The following ARFGAP2 variants were observed in gnomAD, a reference collection of about 807,000 sequenced individuals.
The protein encoded by ARFGAP2 is ADP-ribosylation factor GTPase-activating protein 2.
Under a neutral mutation model 71.9 loss-of-function variants are expected in ARFGAP2, and 45 were observed. The ratio of observed to expected loss-of-function variants is 0.63; its 90% CI spans 0.49 to 0.80. The LOEUF (loss-of-function observed/expected upper bound fraction) is 0.80. Among genes scored for constraint, ARFGAP2 ranks in the 30% least tolerant of loss-of-function variants. The probability of loss-of-function intolerance (pLI) is 0.00; values close to 1 mark genes in which losing one functional copy is unlikely to be tolerated. For synonymous variants in ARFGAP2, 248 were observed against 249.2 expected (o/e 1.00, Z 0.05); for missense variants, 633 against 673.9 (o/e 0.94, Z 0.67).
At chr11:47,173,574 C>A in intron 6 of ARFGAP2, 92 bp from the exon 7 acceptor site, 1 of 1,443,020 alleles carries the variant, frequency 6.9e-7, no homozygotes, top group Non-Finnish European at 9.3e-7. Context: ...CGGTGGCTTT[C>A]CTCAGCTTGC....
chr11:47,166,636 G>A, intron 13 of ARFGAP2, 37 bp from the exon 14 acceptor site: 1 of 1,607,568 alleles, frequency 6.2e-7, no homozygotes, highest in South Asian at 1.1e-5. Context: ...GGGATCTTGG[G>A]GCTGATGACC....
In ARFGAP2 at chr11:47,171,933, C is replaced by A; in HGVS notation, c.673-133G>T. ...TTAGGGTAAAAAACAGGAGCCCAAC[C>A]AGCATGGCCAAGACAATAGTGCTCC... On this transcript the variant is annotated intron_variant, in intron 8 of 15. Transcript: ENST00000524782. 2.3e-6 allele frequency: 3 copies of A among 1,309,730 alleles called. No individual in the cohort carries two copies. In the South Asian group the frequency reaches 4.3e-5, roughly 19 times the overall value. The allele number at this position is 1,309,730 out of a possible 1,614,324, so 81.1% of individuals were successfully genotyped here.
intron 14 of ARFGAP2, 55 bp from the exon 15 acceptor site, chr11:47,166,441 C>T (rs1042808000): frequency 1.9e-6 from 3 of 1,611,012 alleles, no homozygotes; most frequent in Non-Finnish European, 2.5e-6. Flanking sequence ...TTCCCAGTCA[C>T]AGCAGGGCCC....
rs754071059 is a variant in ARFGAP2 at position 47,176,517 on chromosome 11, T to G, written c.190A>C (p.Arg64=). The change falls in exon 2 of 16, where the codon AGG becomes CGG. Residue 64 remains arginine, a splice_region_variant and synonymous_variant. Transcript: ENST00000524782. The part of the protein sequence containing the change: ...RSLGVHLSFI[R]STELDSNWNW... Reference sequence around the variant, plus strand: ...ACGGCAACCGCGCGGAGAGCCTACCTGATGAAGCTCAGATGGACGCCCAGG... The same window carrying G: ...ACGGCAACCGCGCGGAGAGCCTACCGGATGAAGCTCAGATGGACGCCCAGG... The G allele has an allele frequency of 3.1e-6, 5 of 1,613,254 alleles. No homozygotes were observed. The highest frequency in any genetic ancestry group is 1.7e-5 in the Admixed American group (1 of 60,012).
At chr11:47,169,762 G>T (rs1045270601) in intron 10 of ARFGAP2, among the ~76,000 whole-genome samples, 20 of 152,118 alleles carry the variant, frequency 1.3e-4, no homozygotes, top group Non-Finnish European at 2.2e-4. Flanking sequence ...GGAGGCGGAG[G>T]TTGTGGTGAG....
chr11:47,174,778 C>A, intron 5 of ARFGAP2: 1 of 497,276 alleles, frequency 2.0e-6, no homozygotes, highest in Non-Finnish European at 3.6e-6. Context: ...GAAGCTGCCT[C>A]TCTTCCCCGC....
At chr11:47,172,450 G>T in intron 7 of ARFGAP2, 117 bp from the exon 8 acceptor site, 1 of 1,295,276 alleles carries the variant, frequency 7.7e-7, no homozygotes, top group Non-Finnish European at 1.1e-6. Flanking sequence ...GGCAAGGGAA[G>T]GCAAAGCTGC....
At chr11:47,173,705 C>G in intron 6 of ARFGAP2, 54 bp downstream of exon 6, 1 of 1,541,898 alleles carries the variant, frequency 6.5e-7, no homozygotes, top group South Asian at 1.2e-5. Flanking sequence ...CCTTCCAAAC[C>G]CTGAGTCCTC....
chr11:47,172,123 C>T, intron 8 of ARFGAP2, 158 bp downstream of exon 8: 1 of 825,488 alleles, frequency 1.2e-6, no homozygotes, highest in East Asian at 2.4e-5. Context: ...GGCTTTAAAT[C>T]CCTTTAAATC....
At chr11:47,173,081 A>G in intron 7 of ARFGAP2, 1 of 394,818 alleles carries the variant, frequency 2.5e-6, no homozygotes, top group Non-Finnish European at 4.8e-6. Flanking sequence ...CTGTCCCTCC[A>G]CCCCCGGAAA....
chr11:47,175,749 G>A (rs987181174), intron 3 of ARFGAP2, 102 bp downstream of exon 3: 2 of 1,336,842 alleles, frequency 1.5e-6, no homozygotes, highest in Non-Finnish European at 2.2e-6. Flanking sequence ...ATAGAACAGA[G>A]AACCCTCTGA....
At position 47,164,322 on chromosome 11, in the gene ARFGAP2, C is replaced by T; in HGVS notation, c.*1160G>A. On this transcript the variant is annotated 3_prime_UTR_variant, in exon 16 of 16. Transcript: ENST00000524782. ...CTGCTTCACTCAGACCAACAGGGAGCCAGGCCCTGCAGGGGCTTTATTTTG... is the reference window on the plus strand; with the variant it reads ...CTGCTTCACTCAGACCAACAGGGAGTCAGGCCCTGCAGGGGCTTTATTTTG... 1.4e-6 allele frequency: 2 copies of T among 1,471,796 alleles called. No individual in the cohort carries two copies. The highest frequency in any genetic ancestry group is 2.7e-5 in the South Asian group (2 of 74,060). 91.2% of individuals were successfully genotyped at this position (1,471,796 alleles called of 1,614,324 possible). A position where few individuals can be genotyped will look rare whatever the true frequency, so the allele number is the denominator to read the frequency against.
chr11:47,172,617 G>T, intron 7 of ARFGAP2: 1 of 1,313,436 alleles, frequency 7.6e-7, no homozygotes, highest in Non-Finnish European at 1.0e-6. Context: ...AACAAAGACT[G>T]CGAGGCAGGG....
At chr11:47,166,979 G>A (rs1952411180) in intron 12 of ARFGAP2, 93 bp from the exon 13 acceptor site, 7 of 1,469,962 alleles carry the variant, frequency 4.8e-6, no homozygotes, top group Non-Finnish European at 6.4e-6. Context: ...TGGCCTTTTG[G>A]TGATGGGTTA....
rs1303046173 is a variant in ARFGAP2, at chr11:47,175,836, T to C, written c.264+15A>G. 4.3e-6 allele frequency: 7 copies of C among 1,613,658 alleles called. No individual in the cohort carries two copies. Among genetic ancestry groups the C allele is most frequent in the Non-Finnish European group, 5.9e-6 (7 of 1,179,698 alleles). The stretch of plus-strand genomic sequence containing the variant: ...GCAGAAGAATGGAAGGTGAGGGAAG[T>C]AGAAGGAGCTTTACCGCATTGGCAT... On this transcript the variant is annotated intron_variant, in intron 3 of 15. Transcript: ENST00000524782.
intron 5 of ARFGAP2, 84 bp downstream of exon 5, chr11:47,174,931 T>C (rs576876115): frequency 1.4e-6 from 2 of 1,435,264 alleles, no homozygotes; most frequent in African/African-American, 2.8e-5. Context: ...AAATGGAATC[T>C]ACAACCATGA....
chr11:47,175,765 G>A (rs1952784720), intron 3 of ARFGAP2, 86 bp downstream of exon 3: 3 of 1,521,148 alleles, frequency 2.0e-6, no homozygotes, highest in Admixed American at 1.7e-5. Flanking sequence ...TCTGAACAGG[G>A]AAAACGACAG....
chr11:47,164,403 GA>G lies in ARFGAP2; in HGVS notation c.*1078del. The G allele has an allele frequency of 1.1e-6, 1 of 893,608 alleles. No homozygotes were observed. The highest frequency in any genetic ancestry group is 1.6e-6 in the Non-Finnish European group (1 of 621,082). 55.4% of individuals were successfully genotyped at this position (893,608 alleles called of 1,614,324 possible). A position where few individuals can be genotyped will look rare whatever the true frequency, so the allele number is the denominator to read the frequency against. On this transcript the variant is annotated 3_prime_UTR_variant, in exon 16 of 16. Transcript: ENST00000524782. The stretch of plus-strand genomic sequence containing the variant: ...GAAAGAAAGTCAAGTCCCTCTGGGG[GA>G]GGGGCAAGGGGAAGAGTGGTCTGTG...
intron 15 of ARFGAP2, 79 bp downstream of exon 15, chr11:47,166,189 T>C: frequency 1.4e-6 from 2 of 1,433,794 alleles, no homozygotes; most frequent in East Asian, 2.3e-5. Flanking sequence ...TCAGAGGGGC[T>C]GAGCAGTAGC....
Sources: gnomAD v4.1 joint callset for allele counts (sites outside exome capture counted in the v4.1 genomes callset) on GRCh38, gnomAD v4.1.1 for gene constraint, MANE v1.5 for transcripts, NCBI Gene and HGNC (gene_info 2026-07-23, HGNC 2026-07-21) for gene names.